The following HDAC9 variants were observed in gnomAD, a reference collection of about 807,000 sequenced individuals.
The protein encoded by HDAC9 is MEF-2 interacting transcription repressor (MITR) protein.
Under a neutral mutation model 139.4 loss-of-function variants are expected in HDAC9, and 41 were observed. That is an observed-to-expected ratio of 0.29 (90% CI 0.23 to 0.38). The LOEUF is 0.38. HDAC9 is among the 10% of genes least tolerant of loss of function. HDAC9 has a pLI of 1.00. For synonymous variants in HDAC9, 517 were observed against 476.2 expected, an observed-to-expected ratio of 1.09 and a Z score of -1.12; for missense variants, 1,147 against 1,297.0, an observed-to-expected ratio of 0.88 and a Z score of 1.78.
At chr7:18,110,801 C>T (rs1196273002) in intron 1 of HDAC9, among the ~76,000 whole-genome samples, 1 of 151,932 alleles carries the variant, frequency 6.6e-6, no homozygotes, top group Non-Finnish European at 1.5e-5. Context: ...AACGGGGAGT[C>T]TAAACTGAGG....
chr7:18,426,539 T>C (rs1337387786), intron 1 of HDAC9, among the ~76,000 whole-genome samples: 1 of 152,196 alleles, frequency 6.6e-6, no homozygotes, highest in Non-Finnish European at 1.5e-5. Flanking sequence ...GTTTATCTGA[T>C]GTATGAACAC....
chr7:18,219,110 A>C (rs948301568), intron 2 of HDAC9, among the ~76,000 whole-genome samples: 2 of 152,340 alleles, frequency 1.3e-5, no homozygotes, highest in African/African-American at 4.8e-5. Flanking sequence ...TAAGGAATAT[A>C]GTATCTCATG....
At chr7:18,619,476 C>T (rs1839620858) in intron 6 of HDAC9, among the ~76,000 whole-genome samples, 1 of 152,178 alleles carries the variant, frequency 6.6e-6, no homozygotes, top group Non-Finnish European at 1.5e-5. Flanking sequence ...TGCTAAGCAT[C>T]AAGGGCTGGA....
intron 1 of HDAC9, among the ~76,000 whole-genome samples, chr7:18,364,724 G>A (rs949966592): frequency 4.6e-5 from 7 of 152,112 alleles, no homozygotes; most frequent in Non-Finnish European, 1.0e-4. Flanking sequence ...CAGCAGAGTT[G>A]ACAGATGAGA....
At chr7:18,383,718 TA>T (rs79484446) in intron 1 of HDAC9, among the ~76,000 whole-genome samples, 369 of 141,480 alleles carry the variant, frequency 2.6e-3, no homozygotes, top group Middle Eastern at 7.3e-3. Flanking sequence ...CCGTCTCTAC[TA>T]AAAAAAAAAA....
chr7:18,403,501 T>A (rs1421650140), intron 1 of HDAC9, among the ~76,000 whole-genome samples: 1 of 152,228 alleles, frequency 6.6e-6, no homozygotes, highest in Non-Finnish European at 1.5e-5. Flanking sequence ...ATACACCTGC[T>A]GTGTATTTGG....
chr7:18,534,876 A>T (rs1317496887), intron 2 of HDAC9, among the ~76,000 whole-genome samples: 1 of 152,158 alleles, frequency 6.6e-6, no homozygotes, highest in Admixed American at 6.6e-5. Context: ...CTTAGAGAGG[A>T]GGAGAAATGT....
chr7:18,398,376 T>C (rs909771618), intron 1 of HDAC9, among the ~76,000 whole-genome samples: 3 of 152,212 alleles, frequency 2.0e-5, no homozygotes, highest in Non-Finnish European at 4.4e-5. Context: ...AATGTGAACA[T>C]TGTGAAACAA....
intron 1 of HDAC9, among the ~76,000 whole-genome samples, chr7:18,390,994 TG>T (rs1031002169): frequency 6.7e-6 from 1 of 150,360 alleles, no homozygotes; most frequent in Non-Finnish European, 1.5e-5. Flanking sequence ...GAGACTGAGG[TG>T]GGAGAGTTGC....
At chr7:18,265,290 C>G (rs140479365) in intron 2 of HDAC9, among the ~76,000 whole-genome samples, 2,402 of 152,240 alleles carry the variant, frequency 0.016, 29 homozygotes, top group Middle Eastern at 0.034. Context: ...AAGGCAGGCC[C>G]AAGCAAAAAT....
At chr7:18,211,300 A>C (rs1228673809) in intron 2 of HDAC9, among the ~76,000 whole-genome samples, 1 of 152,188 alleles carries the variant, frequency 6.6e-6, no homozygotes, top group South Asian at 2.1e-4. Flanking sequence ...CTGAGCTTAA[A>C]CACAAATTAG....
In HDAC9 at chr7:18,361,029, C is replaced by T. The variant is rs1370766284; in HGVS notation, c.-42+70514C>T. On this transcript the variant is annotated intron_variant, in intron 1 of 3. Coordinates refer to the HDAC9 transcript ENST00000413509. ...TTCATTAAGCTTCTTCCAAAAGAGCCTAGTTTCAGAATGGAATGGTGTTTC... is the reference window on the plus strand; with the variant it reads ...TTCATTAAGCTTCTTCCAAAAGAGCTTAGTTTCAGAATGGAATGGTGTTTC... 2.6e-5 allele frequency among the ~76,000 whole-genome samples: 4 copies of T among 152,110 alleles called. No individual in the cohort carries two copies. The East Asian group carries it at 7.7e-4, about 29-fold the overall frequency.
chr7:18,546,616 T>G (rs1469525902), intron 2 of HDAC9, among the ~76,000 whole-genome samples: 1 of 152,254 alleles, frequency 6.6e-6, no homozygotes, highest in African/African-American at 2.4e-5. Flanking sequence ...TATTACCATT[T>G]TAAAATAGGC....
chr7:18,453,738 G>C (rs1793096172), intron 1 of HDAC9, among the ~76,000 whole-genome samples: 1 of 151,964 alleles, frequency 6.6e-6, no homozygotes, highest in Admixed American at 6.6e-5. Context: ...TTTTTGTATA[G>C]ATTATTACAA....
chr7:18,388,666 C>T (rs942840614), intron 1 of HDAC9, among the ~76,000 whole-genome samples: 6 of 152,120 alleles, frequency 3.9e-5, no homozygotes, highest in East Asian at 1.9e-4. Flanking sequence ...TTCCATGCCC[C>T]GTGCTTCTTT....
At chr7:18,974,579 A>G (rs2717353) in intron 24 of HDAC9, among the ~76,000 whole-genome samples, 3,030 of 152,350 alleles carry the variant, frequency 0.02, 105 homozygotes, top group African/African-American at 0.066. Flanking sequence ...TATGATTCTC[A>G]GACTTTGGTC....
At chr7:18,509,274 TC>T in intron 2 of HDAC9, 1 of 985,384 alleles carries the variant, frequency 1.0e-6, no homozygotes, top group Middle Eastern at 5.2e-4. Flanking sequence ...TATTTTAATC[TC>T]CACTTAACTT....
chr7:18,162,324 CATG>C, exon 2 of HDAC9: 2 of 1,535,252 alleles, frequency 1.3e-6, no homozygotes, highest in Non-Finnish European at 1.7e-6. Flanking sequence ...CTCTGATTCT[CATG>C]ATGAGCTCAC....
intron 1 of HDAC9, among the ~76,000 whole-genome samples, chr7:18,117,505 TA>T (rs200008737): frequency 0.19 from 24,585 of 132,780 alleles, 2,338 homozygotes; most frequent in South Asian, 0.36. Flanking sequence ...AATAAAAAAT[TA>T]AAAAAAAAAA....
Sources: gnomAD v4.1 joint callset for allele counts (sites outside exome capture counted in the v4.1 genomes callset) on GRCh38, gnomAD v4.1.1 for gene constraint, MANE v1.5 for transcripts, NCBI Gene and HGNC (gene_info 2026-07-23, HGNC 2026-07-21) for gene names.